Variants in RBMS1 observed in about 807,000 individuals in gnomAD.
RBMS1 encodes the protein RNA-binding motif, single-stranded-interacting protein 1.
RBMS1 carries 17 observed loss-of-function variants against 62.3 expected under a neutral mutation model. The observed-to-expected ratio is 0.27, with a 90% CI of 0.19 to 0.41. The LOEUF is 0.41. Ranked by LOEUF, RBMS1 falls within the 10% of genes least tolerant of loss-of-function variation. The pLI, the probability that RBMS1 is intolerant of heterozygous loss-of-function variation, is 1.00. For synonymous variants in RBMS1, 172 were observed against 170.0 expected (o/e 1.01, Z -0.09); for missense variants, 334 against 504.5 (o/e 0.66, Z 3.24).
At chr2:160,440,957 A>G (rs1683385861) in intron 1 of RBMS1, among the ~76,000 whole-genome samples, 1 of 152,272 alleles carries the variant, frequency 6.6e-6, no homozygotes, top group South Asian at 2.1e-4. Flanking sequence ...TGACAATTGT[A>G]TACAGTTGTG....
intron 1 of RBMS1, among the ~76,000 whole-genome samples, chr2:160,447,700 T>C (rs538981475): frequency 7.2e-5 from 11 of 152,224 alleles, no homozygotes; most frequent in Non-Finnish European, 1.6e-4. Context: ...TGAGACAGCA[T>C]GAATGAGTCT....
At chr2:160,351,915 A>G (rs1692536724) in intron 2 of RBMS1, among the ~76,000 whole-genome samples, 1 of 152,146 alleles carries the variant, frequency 6.6e-6, no homozygotes, top group South Asian at 2.1e-4. Context: ...CTCTTTCCCC[A>G]AAAAGTTTGA....
chr2:160,282,070 G>A, intron 9 of RBMS1: 1 of 396,660 alleles, frequency 2.5e-6, no homozygotes, highest in Non-Finnish European at 4.7e-6. Flanking sequence ...TGCCACTCAA[G>A]AGAAAAACAT....
intron 1 of RBMS1, among the ~76,000 whole-genome samples, chr2:160,376,941 T>C (rs563012897): frequency 2.6e-5 from 4 of 152,336 alleles, no homozygotes; most frequent in African/African-American, 9.6e-5. Context: ...GTGCTGGGAC[T>C]ACAGGCATGA....
intron 1 of RBMS1, among the ~76,000 whole-genome samples, chr2:160,467,180 T>C (rs1377035234): frequency 6.6e-6 from 1 of 151,090 alleles, no homozygotes; most frequent in Non-Finnish European, 1.5e-5. Flanking sequence ...AAGATGGGCG[T>C]TCCTGCAGAT....
At chr2:160,455,580 G>T (rs1241375086) in intron 1 of RBMS1, among the ~76,000 whole-genome samples, 5 of 152,228 alleles carry the variant, frequency 3.3e-5, no homozygotes, top group African/African-American at 1.2e-4. Context: ...TTGTGAACCT[G>T]CCTGGAGAGG....
intron 1 of RBMS1, among the ~76,000 whole-genome samples, chr2:160,469,369 T>A (rs1306682777): frequency 6.6e-6 from 1 of 152,110 alleles, no homozygotes; most frequent in Non-Finnish European, 1.5e-5. Context: ...GTTTCTCATC[T>A]CTTTGGTTCT....
chr2:160,451,158 G>GAAAAA lies in RBMS1; in HGVS notation c.75+42126_75+42130dup, dbSNP rs71006607. Among the ~76,000 whole-genome samples, 19 of 128,020 alleles carry GAAAAA rather than the reference G, an allele frequency of 1.5e-4. 1 individual carries two copies. The highest frequency in any genetic ancestry group is 5.1e-4 in the South Asian group (2 of 3,924). The allele number at this position is 128,020 out of a possible 152,430, so 84.0% of individuals were successfully genotyped here. On this transcript the variant is annotated intron_variant, in intron 1 of 13. Transcript: ENST00000348849. ...GGTGACAGAGCAAGACCATGCTTCA[G>GAAAAA]AAAAAAAAAAATAAATAAATAAAAA...
intron 1 of RBMS1, among the ~76,000 whole-genome samples, chr2:160,484,353 G>C (rs1298563172): frequency 2.6e-5 from 4 of 151,634 alleles, no homozygotes; most frequent in Non-Finnish European, 2.9e-5. Context: ...AAATTAGCCG[G>C]ACGTGGTGGC....
intron 3 of RBMS1, among the ~76,000 whole-genome samples, chr2:160,315,528 G>A (rs1260546177): frequency 2.6e-5 from 4 of 152,164 alleles, no homozygotes; most frequent in Non-Finnish European, 5.9e-5. Flanking sequence ...CATGGGGCGA[G>A]CTATGTTTTC....
At chr2:160,399,849 A>G (rs1004394720) in intron 1 of RBMS1, among the ~76,000 whole-genome samples, 1 of 152,230 alleles carries the variant, frequency 6.6e-6, no homozygotes, top group Non-Finnish European at 1.5e-5. Context: ...CTAAGAAAAA[A>G]AGGGGGAGAT....
chr2:160,368,913 T>C (rs1013339590), intron 1 of RBMS1, among the ~76,000 whole-genome samples: 1 of 152,228 alleles, frequency 6.6e-6, no homozygotes, highest in African/African-American at 2.4e-5. Context: ...GTGCTGGGAT[T>C]ACAGGCATGA....
intron 4 of RBMS1, among the ~76,000 whole-genome samples, chr2:160,304,405 T>C (rs1559350054): frequency 6.6e-6 from 1 of 152,324 alleles, no homozygotes; most frequent in East Asian, 1.9e-4. Context: ...CTAAGTTTAT[T>C]TTAATAGAGA....
chr2:160,303,534 G>T, intron 4 of RBMS1, 47 bp from the exon 5 acceptor site: 1 of 1,552,104 alleles, frequency 6.4e-7, no homozygotes, highest in Non-Finnish European at 8.7e-7. Context: ...CAGAAGGTGA[G>T]ATATTTATGT....
chr2:160,429,097 AAATTT>A (rs1682776533), intron 1 of RBMS1, among the ~76,000 whole-genome samples: 1 of 152,254 alleles, frequency 6.6e-6, no homozygotes, highest in African/African-American at 2.4e-5. Context: ...CAAAAATTTA[AAATTT>A]AATTTACTTT....
intron 1 of RBMS1, among the ~76,000 whole-genome samples, chr2:160,396,288 G>A (rs554450527): frequency 5.3e-5 from 8 of 152,248 alleles, no homozygotes; most frequent in African/African-American, 1.7e-4. Context: ...GAATCTGTTT[G>A]AAATATGATT....
chr2:160,391,721 T>C (rs1444129212), intron 1 of RBMS1, among the ~76,000 whole-genome samples: 1 of 152,226 alleles, frequency 6.6e-6, no homozygotes, highest in Non-Finnish European at 1.5e-5. Context: ...CTCATGCCTG[T>C]AATCCCAGCA....
chr2:160,323,584 A>G (rs911800361), intron 2 of RBMS1, among the ~76,000 whole-genome samples: 7 of 148,232 alleles, frequency 4.7e-5, no homozygotes, highest in African/African-American at 1.2e-4. Context: ...GTGCACGACC[A>G]AACAGCATGA....
chr2:160,429,011 A>G (rs2105283283), intron 1 of RBMS1, among the ~76,000 whole-genome samples: 1 of 152,324 alleles, frequency 6.6e-6, no homozygotes, highest in African/African-American at 2.4e-5. Context: ...GCACTTTTCA[A>G]CAGTTATCTA....
Sources: allele counts gnomAD v4.1 joint callset (sites outside exome capture counted in the v4.1 genomes callset), GRCh38; gene constraint gnomAD v4.1.1; transcripts MANE v1.5; gene names NCBI Gene and HGNC (gene_info 2026-07-23, HGNC 2026-07-21).